The following HTR1F variants were observed in gnomAD, a reference collection of about 807,000 sequenced individuals.
The protein encoded by HTR1F is 5-hydroxytryptamine (serotonin) receptor 1F, G protein-coupled.
Under a neutral mutation model 24.0 loss-of-function variants are expected in HTR1F, and 17 were observed. The observed-to-expected ratio is 0.71, with a 90% CI of 0.48 to 1.06. HTR1F has a LOEUF of 1.06. Among genes scored for constraint, HTR1F ranks in the 50% least tolerant of loss-of-function variants. The pLI is 0.00. For missense variants in HTR1F, 391 were observed against 427.8 expected, an observed-to-expected ratio of 0.91 and a Z score of 0.76; for synonymous variants, 186 against 156.8, an observed-to-expected ratio of 1.19 and a Z score of -1.39.
chr3:87,925,359 G>T (rs571533575), intron 2 of HTR1F, among the ~76,000 whole-genome samples: 5 of 152,192 alleles, frequency 3.3e-5, no homozygotes, highest in African/African-American at 1.2e-4. Context: ...TTGGGTTCTA[G>T]GGGATGTCTT....
chr3:87,981,656 T>C (rs1330939488), intron 2 of HTR1F, among the ~76,000 whole-genome samples: 5 of 152,192 alleles, frequency 3.3e-5, no homozygotes, highest in Non-Finnish European at 5.9e-5. Context: ...TTCTTTTCTC[T>C]TTAGGTTTCA....
chr3:87,906,183 G>C (rs183195692), intron 2 of HTR1F, among the ~76,000 whole-genome samples: 2 of 152,200 alleles, frequency 1.3e-5, no homozygotes, highest in East Asian at 3.9e-4. Flanking sequence ...TAAGGCTATA[G>C]AGTAACTTTT....
intron 2 of HTR1F, among the ~76,000 whole-genome samples, chr3:87,843,791 T>C (rs888648123): frequency 2.0e-5 from 3 of 151,348 alleles, no homozygotes; most frequent in Non-Finnish European, 4.4e-5. Flanking sequence ...GGTTTTCTGT[T>C]CTTGCGATAG....
chr3:87,937,645 C>A (rs182831466), intron 2 of HTR1F, among the ~76,000 whole-genome samples: 22 of 152,036 alleles, frequency 1.4e-4, no homozygotes, highest in African/African-American at 5.1e-4. Context: ...GAAATAGGGC[C>A]AGGCGCAGTG....
chr3:87,843,087 T>A (rs1704845070), intron 2 of HTR1F, among the ~76,000 whole-genome samples: 1 of 152,056 alleles, frequency 6.6e-6, no homozygotes, highest in South Asian at 2.1e-4. Context: ...GCTGAGGTTT[T>A]ATCTGTACCT....
At chr3:87,894,297 T>C (rs1575998225) in intron 2 of HTR1F, among the ~76,000 whole-genome samples, 1 of 151,936 alleles carries the variant, frequency 6.6e-6, no homozygotes, top group East Asian at 1.9e-4. Context: ...CACTCTGTCA[T>C]CCAGGCTGGA....
chr3:87,966,061 A>G (rs1313626078), intron 2 of HTR1F, among the ~76,000 whole-genome samples: 5 of 152,224 alleles, frequency 3.3e-5, no homozygotes, highest in Admixed American at 6.5e-5. Context: ...AGTGGCTTAT[A>G]AACAACAGAA....
chr3:87,913,400 C>A (rs1452809945), intron 2 of HTR1F, among the ~76,000 whole-genome samples: 1 of 152,070 alleles, frequency 6.6e-6, no homozygotes, highest in African/African-American at 2.4e-5. Context: ...CCAGTAACAC[C>A]AGTCAGAATG....
intron 2 of HTR1F, among the ~76,000 whole-genome samples, chr3:87,916,456 T>TCAACC (rs1380629522): frequency 2.0e-5 from 3 of 151,960 alleles, no homozygotes; most frequent in Non-Finnish European, 4.4e-5. Flanking sequence ...TAAGAACTCA[T>TCAACC]CAACCAACTG....
At chr3:87,871,942 A>C (rs1202946349) in intron 2 of HTR1F, among the ~76,000 whole-genome samples, 1 of 152,122 alleles carries the variant, frequency 6.6e-6, no homozygotes, top group Non-Finnish European at 1.5e-5. Flanking sequence ...ATTCTACCCA[A>C]CAACAGTGAA....
chr3:87,894,301 G>A (rs1274139096), intron 2 of HTR1F, among the ~76,000 whole-genome samples: 3 of 152,136 alleles, frequency 2.0e-5, no homozygotes, highest in Admixed American at 1.3e-4. Flanking sequence ...CTGTCATCCA[G>A]GCTGGAGTGC....
chr3:87,953,973 G>A (rs1576083957), intron 2 of HTR1F, among the ~76,000 whole-genome samples: 2 of 151,792 alleles, frequency 1.3e-5, no homozygotes, highest in South Asian at 4.1e-4. Context: ...ACATGTGGAA[G>A]TTTAAAAAGT....
In HTR1F at chr3:87,969,453, C is replaced by T. The variant is rs569759750; in HGVS notation, c.-42-21255C>T. Among the ~76,000 whole-genome samples, 9 of 152,312 alleles carry T rather than the reference C, an allele frequency of 5.9e-5. No homozygotes were observed. The South Asian group carries it at 6.2e-4, about 11-fold the overall frequency. On this transcript the variant is annotated intron_variant, in intron 2 of 2. Transcript: ENST00000319595. The stretch of plus-strand genomic sequence containing the variant: ...GACAGGGAGTCAAAGGAGATCATTT[C>T]AGAGCTTTAAGATTTGACTGCCCTG...
At chr3:87,902,969 C>T (rs546362794) in intron 2 of HTR1F, among the ~76,000 whole-genome samples, 48 of 151,182 alleles carry the variant, frequency 3.2e-4, no homozygotes, top group Non-Finnish European at 5.0e-4. Context: ...GAAATAATGC[C>T]GCATATCTAC....
chr3:87,954,089 C>G (rs1704892866), intron 2 of HTR1F, among the ~76,000 whole-genome samples: 1 of 151,512 alleles, frequency 6.6e-6, no homozygotes, highest in Non-Finnish European at 1.5e-5. Context: ...TTAATAGATA[C>G]AAATGAATAG....
intron 2 of HTR1F, among the ~76,000 whole-genome samples, chr3:87,923,919 ATC>A (rs2107384105): frequency 6.6e-6 from 1 of 152,110 alleles, no homozygotes; most frequent in South Asian, 2.1e-4. Context: ...GGATGTTTGC[ATC>A]TCTGTTCATT....
chr3:87,826,578 A>C (rs1353717545), intron 2 of HTR1F, among the ~76,000 whole-genome samples: 1 of 152,158 alleles, frequency 6.6e-6, no homozygotes, highest in Non-Finnish European at 1.5e-5. Context: ...CAGCTTCTCT[A>C]TAAAGCATTG....
At chr3:87,905,984 G>A (rs772005085) in intron 2 of HTR1F, among the ~76,000 whole-genome samples, 7 of 152,158 alleles carry the variant, frequency 4.6e-5, no homozygotes, top group Middle Eastern at 3.4e-3. Context: ...AGGATGGCTG[G>A]CAAGGTTCAA....
intron 2 of HTR1F, among the ~76,000 whole-genome samples, chr3:87,951,678 C>T (rs1560450): frequency 0.44 from 66,695 of 151,718 alleles, 15,662 homozygotes; most frequent in African/African-American, 0.61. Flanking sequence ...GTCCATAGTT[C>T]ACATTAGGGT....
Sources: allele counts gnomAD v4.1 joint callset (sites outside exome capture counted in the v4.1 genomes callset), GRCh38; gene constraint gnomAD v4.1.1; transcripts MANE v1.5; gene names NCBI Gene and HGNC (gene_info 2026-07-23, HGNC 2026-07-21).